Variants in SLIT2 observed in about 807,000 individuals in gnomAD.
The protein encoded by SLIT2 is slit guidance ligand 2.
In SLIT2, 41 loss-of-function variants were observed where a neutral mutation model predicts 185.7. That is an observed-to-expected ratio of 0.22 (90% CI 0.17 to 0.29). The LOEUF (loss-of-function observed/expected upper bound fraction) is 0.29, where lower values mean the gene tolerates loss of function less well. Among genes scored for constraint, SLIT2 ranks in the 10% least tolerant of loss-of-function variants. The pLI is 1.00. For missense variants in SLIT2, 1,571 were observed against 1,909.0 expected, an observed-to-expected ratio of 0.82 and a Z score of 3.30; for synonymous variants, 693 against 680.2, an observed-to-expected ratio of 1.02 and a Z score of -0.29.
intron 9 of SLIT2, among the ~76,000 whole-genome samples, chr4:20,493,392 C>A (rs1717956196): frequency 6.6e-6 from 1 of 152,174 alleles, no homozygotes; most frequent in Non-Finnish European, 1.5e-5. Context: ...GTCATCTATG[C>A]AGGCACAAAC....
intron 4 of SLIT2, among the ~76,000 whole-genome samples, chr4:20,443,582 TAAAAAAAAAAAAAAAAA>T (rs71653885): frequency 3.2e-5 from 2 of 63,060 alleles, no homozygotes; most frequent in South Asian, 8.3e-4. Context: ...GGAGAAAATC[TAAAAAAAAAAAAAAAAA>T]AAAAAAAAAA....
At chr4:20,369,283 C>T (rs940306576) in intron 4 of SLIT2, among the ~76,000 whole-genome samples, 4 of 152,012 alleles carry the variant, frequency 2.6e-5, no homozygotes, top group African/African-American at 9.7e-5. Context: ...CCACCGAGGT[C>T]TGGCCATTAC....
chr4:20,424,549 T>C lies in SLIT2; in HGVS notation c.396-43203T>C, dbSNP rs531829730. 5.3e-4 allele frequency among the ~76,000 whole-genome samples: 80 copies of C among 152,222 alleles called. No homozygotes were observed. In the South Asian group the frequency reaches 0.014, roughly 28 times the overall value. ...GAACATACATGTCATTTTCTATTTGTCGTCTAATTTTTTTAAAATGCTTAG... is the reference window on the plus strand; with the variant it reads ...GAACATACATGTCATTTTCTATTTGCCGTCTAATTTTTTTAAAATGCTTAG... On this transcript the variant is annotated intron_variant, in intron 4 of 36. Transcript: ENST00000504154.
At chr4:20,530,098 A>AAT (rs1721652654) in intron 16 of SLIT2, among the ~76,000 whole-genome samples, 1 of 147,940 alleles carries the variant, frequency 6.8e-6, no homozygotes, top group Non-Finnish European at 1.5e-5. Context: ...AGTTATAGTG[A>AAT]TTTTTTTTTT....
chr4:20,413,405 T>C (rs1727406938), intron 4 of SLIT2, among the ~76,000 whole-genome samples: 1 of 152,080 alleles, frequency 6.6e-6, no homozygotes, highest in Non-Finnish European at 1.5e-5. Context: ...ATGGAATTAA[T>C]GTGTATTTTT....
rs1717054239 is a variant in SLIT2, at chr4:20,484,850, G to A, written c.540-1350G>A. On this transcript the variant is annotated intron_variant, in intron 6 of 36. Coordinates refer to ENST00000504154, the MANE Select transcript of SLIT2 (RefSeq NM_004787.4). The surrounding 1 kb of genome is among the most constrained non-coding windows in gnomAD (Gnocchi z 4.3). ...GCTGGAGATTATCTGCCACAAGAGAGACTATCATTGCTAGCTTACCATATT... is the reference window on the plus strand; with the variant it reads ...GCTGGAGATTATCTGCCACAAGAGAAACTATCATTGCTAGCTTACCATATT... Among the ~76,000 whole-genome samples the A allele has an allele frequency of 6.6e-6, 1 of 152,130 alleles. No individual in the cohort carries two copies. The highest frequency in any genetic ancestry group is 1.5e-5 in the Non-Finnish European group (1 of 68,002).
intron 4 of SLIT2, among the ~76,000 whole-genome samples, chr4:20,346,380 T>TA (rs1164640345): frequency 6.6e-6 from 1 of 152,090 alleles, no homozygotes; most frequent in South Asian, 2.1e-4. Context: ...ATTGTAACAA[T>TA]AAAAAATGTC....
chr4:20,498,900 AATG>A (rs1365629720), intron 9 of SLIT2, among the ~76,000 whole-genome samples: 1 of 152,212 alleles, frequency 6.6e-6, no homozygotes, highest in African/African-American at 2.4e-5. Flanking sequence ...TGTCTTATAT[AATG>A]ATTTCTTTTC....
intron 4 of SLIT2, among the ~76,000 whole-genome samples, chr4:20,391,128 C>T (rs1001815910): frequency 5.9e-5 from 9 of 151,956 alleles, no homozygotes; most frequent in African/African-American, 7.2e-5. Context: ...TTTGTAAAAA[C>T]GGTTAGAATT....
chr4:20,365,414 G>C (rs1380672890), intron 4 of SLIT2, among the ~76,000 whole-genome samples: 1 of 152,068 alleles, frequency 6.6e-6, no homozygotes, highest in Non-Finnish European at 1.5e-5. Flanking sequence ...CCTCATGATG[G>C]TTGAAGCCTC....
Position 20,618,836 on chromosome 4 carries a change from A to T in SLIT2, c.4417A>T (p.Thr1473Ser). The T allele has an allele frequency of 6.2e-7, 1 of 1,614,086 alleles. No individual in the cohort carries two copies. The highest frequency in any genetic ancestry group is 8.5e-7 in the Non-Finnish European group (1 of 1,179,942). Residue 1473 changes from threonine to serine, a missense_variant, in exon 37 of 37, where the codon ACA (threonine) becomes TCA (serine). This residue lies in a region of SLIT2 where 223 missense variants were observed against 245.2 expected (regional missense o/e 0.91). Transcript: ENST00000504154. ...QKQQGYAACQ[T>S]TKKVSRLECR... The stretch of plus-strand genomic sequence containing the variant: ...GCAGCAGGGCTATGCTGCTTGCCAA[A>T]CAACCAAGAAGGTGTCCCGATTAGA...
intron 4 of SLIT2, among the ~76,000 whole-genome samples, chr4:20,438,172 G>A (rs958259915): frequency 1.3e-5 from 2 of 152,132 alleles, no homozygotes; most frequent in African/African-American, 2.4e-5. Context: ...TATCCAGGGT[G>A]ATCCTGTTTA....
At chr4:20,420,379 C>T (rs1026687331) in intron 4 of SLIT2, among the ~76,000 whole-genome samples, 1 of 152,164 alleles carries the variant, frequency 6.6e-6, no homozygotes, top group African/African-American at 2.4e-5. Context: ...TAGTCTTTCA[C>T]TATTAATTCA....
At chr4:20,319,075 C>T (rs1196802529) in intron 4 of SLIT2, among the ~76,000 whole-genome samples, 1 of 152,070 alleles carries the variant, frequency 6.6e-6, no homozygotes, top group Non-Finnish European at 1.5e-5. Flanking sequence ...AAGCTTGGTT[C>T]ACAGTAGGGG....
chr4:20,255,932 T>C (rs1711776482), intron 1 of SLIT2, among the ~76,000 whole-genome samples: 1 of 152,134 alleles, frequency 6.6e-6, no homozygotes, highest in Non-Finnish European at 1.5e-5. Context: ...CCAGGGCAAG[T>C]TTAGATCTTG....
intron 9 of SLIT2, among the ~76,000 whole-genome samples, chr4:20,509,068 C>G (rs541495199): frequency 6.6e-6 from 1 of 151,342 alleles, no homozygotes; most frequent in South Asian, 2.1e-4. Context: ...TACCAACGTT[C>G]AATAAAAATG....
intron 9 of SLIT2, among the ~76,000 whole-genome samples, chr4:20,504,527 A>G (rs1158636961): frequency 6.6e-6 from 1 of 152,148 alleles, no homozygotes; most frequent in Non-Finnish European, 1.5e-5. Context: ...CCTGTTGATC[A>G]CAGAGATTGC....
intron 4 of SLIT2, among the ~76,000 whole-genome samples, chr4:20,418,668 G>T (rs1727900991): frequency 6.6e-6 from 1 of 152,142 alleles, no homozygotes; most frequent in Non-Finnish European, 1.5e-5. Flanking sequence ...TAATACCTGG[G>T]AATTTCTTGG....
In SLIT2 at chr4:20,546,059, G is replaced by A. The variant is rs1296593698; in HGVS notation, c.2305G>A (p.Val769Ile). 1.3e-6 allele frequency: 2 copies of A among 1,586,574 alleles called. No homozygotes were observed. Among genetic ancestry groups the A allele is most frequent in the Non-Finnish European group, 8.6e-7 (1 of 1,161,770 alleles). ...TCTGGATGGAAACCAATTTACACTGGTTCCCAAGGAACTCTCCAACTACAA... is the reference window on the plus strand; with the variant it reads ...TCTGGATGGAAACCAATTTACACTGATTCCCAAGGAACTCTCCAACTACAA... The part of the protein sequence containing the change: ...LYLDGNQFTL[V>I]PKELSNYKHL... Residue 769 changes from valine to isoleucine, a missense_variant, in exon 22 of 37, where the codon GTT becomes ATT. Transcript: ENST00000504154.
Sources: allele counts gnomAD v4.1 joint callset (sites outside exome capture counted in the v4.1 genomes callset), GRCh38; gene constraint gnomAD v4.1.1; regional missense constraint gnomAD v4.1.1; non-coding constraint Gnocchi (gnomAD v3.1); transcripts MANE v1.5; gene names NCBI Gene and HGNC (gene_info 2026-07-23, HGNC 2026-07-21).